SH3KBP1: variants seen among roughly 807,000 people sequenced by gnomAD.
SH3KBP1 encodes the protein SH3 domain containing kinase binding protein 1, also known as SH3 domain-containing kinase-binding protein 1.
Under a neutral mutation model 50.1 loss-of-function variants are expected in SH3KBP1, and 8 were observed. That is an observed-to-expected ratio of 0.16 (90% CI 0.09 to 0.29). The LOEUF (loss-of-function observed/expected upper bound fraction) is 0.29. Among genes scored for constraint, SH3KBP1 ranks in the 10% least tolerant of loss-of-function variants. SH3KBP1 has a pLI of 1.00. For synonymous variants in SH3KBP1, 227 were observed against 218.6 expected (o/e 1.04, Z -0.34); for missense variants, 377 against 535.2 (o/e 0.70, Z 2.92).
intron 8 of SH3KBP1, among the ~76,000 whole-genome samples, chrX:19,619,989 T>G (rs1391916140): frequency 9.0e-6 from 1 of 111,397 alleles, no homozygotes; most frequent in African/African-American, 3.3e-5. Context: ...AGCACATTGC[T>G]GAATATATAG....
chrX:19,663,334 GT>G (rs1473386496), intron 6 of SH3KBP1, among the ~76,000 whole-genome samples: 1 of 111,984 alleles, frequency 8.9e-6, no homozygotes, highest in Non-Finnish European at 1.9e-5. Flanking sequence ...TTCAGGAAGA[GT>G]AGGGGAGACA....
chrX:19,631,488 C>T (rs763741419), intron 8 of SH3KBP1, among the ~76,000 whole-genome samples: 6 of 108,488 alleles, frequency 5.5e-5, no homozygotes, highest in African/African-American at 2.2e-4. Flanking sequence ...GCCTGTGAGG[C>T]ATGACCAGCG....
chrX:19,788,223 C>T (rs1371307721), intron 2 of SH3KBP1, among the ~76,000 whole-genome samples: 1 of 93,158 alleles, frequency 1.1e-5, no homozygotes, highest in Non-Finnish European at 2.1e-5. Flanking sequence ...GAGCCATAAT[C>T]GTGCCAGTGC....
intron 2 of SH3KBP1, among the ~76,000 whole-genome samples, chrX:19,779,298 C>CAA (rs750278989): frequency 2.1e-5 from 1 of 48,482 alleles, no homozygotes; most frequent in Non-Finnish European, 3.9e-5. Context: ...GACCCTGTCT[C>CAA]AAAAAAAAAA....
At position 19,878,304 on chromosome X, in the gene SH3KBP1, T is replaced by A. The variant is rs185591376; in HGVS notation, c.4+9003A>T. ...TGTTTTCTCCCATGATGTAGACCTT[T>A]TTTTTTTTTTTTTCCTTGAGACACG... On this transcript the variant is annotated intron_variant, in intron 1 of 17. Transcript: ENST00000397821. Among the ~76,000 whole-genome samples, 4 of 106,126 alleles carry A rather than the reference T, an allele frequency of 3.8e-5. No homozygotes were observed. The East Asian group carries it at 1.2e-3, about 31-fold the overall frequency. 92.2% of individuals were successfully genotyped at this position (106,126 alleles called of 115,157 possible).
At chrX:19,563,784 C>T (rs1230150471) in intron 13 of SH3KBP1, among the ~76,000 whole-genome samples, 1 of 111,741 alleles carries the variant, frequency 8.9e-6, no homozygotes, top group African/African-American at 3.3e-5. Context: ...GTAACATCAA[C>T]CATGTCCTTG....
At chrX:19,540,124 G>C (rs1283241192) in intron 16 of SH3KBP1, among the ~76,000 whole-genome samples, 1 of 111,639 alleles carries the variant, frequency 9.0e-6, no homozygotes, top group East Asian at 2.8e-4. Context: ...AGGGACACAG[G>C]TCACCTGGAC....
At chrX:19,687,696 C>T (rs753965585) in intron 5 of SH3KBP1, 1 of 1,190,511 alleles carries the variant, frequency 8.4e-7, no homozygotes, top group Non-Finnish European at 1.1e-6. Flanking sequence ...TCTTTCCTGA[C>T]AGTGAATGAG....
intron 2 of SH3KBP1, among the ~76,000 whole-genome samples, chrX:19,791,837 A>G (rs1362565293): frequency 8.9e-6 from 1 of 111,800 alleles, no homozygotes; most frequent in Non-Finnish European, 1.9e-5. Flanking sequence ...TCATCGTTCA[A>G]TCAGAAAACC....
At chrX:19,553,118 G>A (rs985909772) in intron 13 of SH3KBP1, among the ~76,000 whole-genome samples, 13 of 111,356 alleles carry the variant, frequency 1.2e-4, no homozygotes, top group Non-Finnish European at 1.7e-4. Context: ...GAAGAGGCCC[G>A]AGATGTGACC....
At chrX:19,743,439 A>AAAAGAAAG (rs757893277) in intron 3 of SH3KBP1, among the ~76,000 whole-genome samples, 1 of 110,362 alleles carries the variant, frequency 9.1e-6, no homozygotes, top group African/African-American at 3.3e-5. Context: ...CAAAAAATAA[A>AAAAGAAAG]AAAGAAAGAA....
intron 7 of SH3KBP1, among the ~76,000 whole-genome samples, chrX:19,642,494 T>C (rs1481437950): frequency 8.9e-6 from 1 of 112,286 alleles, no homozygotes; most frequent in Non-Finnish European, 1.9e-5. Flanking sequence ...AGAAGCCTGA[T>C]CTGCCCTTGT....
intron 12 of SH3KBP1, among the ~76,000 whole-genome samples, chrX:19,582,372 C>G (rs1286651229): frequency 8.9e-6 from 1 of 111,942 alleles, no homozygotes; most frequent in African/African-American, 3.2e-5. Flanking sequence ...GAACACTGGC[C>G]TCCCTGACTC....
chrX:19,645,328 T>TA, intron 7 of SH3KBP1, 72 bp downstream of exon 7: 6 of 852,080 alleles, frequency 7.0e-6, no homozygotes, highest in South Asian at 2.2e-5. Context: ...TAGGGATTTC[T>TA]AAAAAACATT....
intron 6 of SH3KBP1, among the ~76,000 whole-genome samples, chrX:19,647,156 T>A (rs922809778): frequency 9.0e-6 from 1 of 111,726 alleles, no homozygotes; most frequent in Admixed American, 9.5e-5. Context: ...AGCATCACCA[T>A]TGTTAACACA....
chrX:19,767,283 T>C (rs1360923612), intron 2 of SH3KBP1, among the ~76,000 whole-genome samples: 1 of 112,006 alleles, frequency 8.9e-6, no homozygotes, highest in East Asian at 2.8e-4. Context: ...TTAGAAGGTC[T>C]GAAAAGAGCA....
At chrX:19,864,501 T>A (rs2068856116) in intron 1 of SH3KBP1, among the ~76,000 whole-genome samples, 1 of 111,682 alleles carries the variant, frequency 9.0e-6, no homozygotes, top group Admixed American at 9.5e-5. Context: ...GGAGAGAAGA[T>A]CAAGTGACAC....
At chrX:19,589,578 C>T (rs1602580384) in intron 11 of SH3KBP1, among the ~76,000 whole-genome samples, 1 of 110,968 alleles carries the variant, frequency 9.0e-6, no homozygotes, top group African/African-American at 3.3e-5. Flanking sequence ...ATCTGTTGGC[C>T]GAACGGGGGC....
At position 19,848,486 on chromosome X, in the gene SH3KBP1, A is replaced by G. The variant is rs1289279288; in HGVS notation, c.5-12204T>C. ...TTTGATGTCTCATATGTTATGTGAT[A>G]TATCTTTCACAGTGATACTTTTAAA... is the stretch of plus-strand genomic sequence containing the variant. On this transcript the variant is annotated intron_variant, in intron 1 of 17. Transcript: ENST00000397821. Among the ~76,000 whole-genome samples the G allele has an allele frequency of 7.1e-5, 8 of 112,817 alleles. No individual in the cohort carries two copies. In the South Asian group the frequency reaches 1.8e-3, roughly 26 times the overall value.
Sources: gnomAD v4.1 joint callset for allele counts (sites outside exome capture counted in the v4.1 genomes callset) on GRCh38, gnomAD v4.1.1 for gene constraint, MANE v1.5 for transcripts, NCBI Gene and HGNC (gene_info 2026-07-23, HGNC 2026-07-21) for gene names.